Variants in IFIT3 observed in about 807,000 individuals in gnomAD.
The protein encoded by IFIT3 is interferon-induced protein with tetratricopeptide repeats 3.
Under a neutral mutation model 2.4 loss-of-function variants are expected in IFIT3, and 2 were observed. That is an observed-to-expected ratio of 0.82 (90% CI 0.34 to 2.60). The LOEUF is 2.60. IFIT3 is among the 30% of genes most tolerant of loss of function. The pLI is 0.11. For synonymous variants in IFIT3, 203 were observed against 212.1 expected, an observed-to-expected ratio of 0.96 and a Z score of 0.37; for missense variants, 481 against 562.4, an observed-to-expected ratio of 0.86 and a Z score of 1.46.
chr10:89,339,800 G>A lies in IFIT3; in HGVS notation c.1145G>A (p.Gly382Asp). Residue 382 changes from glycine (G) to aspartate (D), a missense_variant, in exon 2 of 2, where the codon GGT (glycine) becomes GAT (aspartate). By Grantham distance (94) the Gly-to-Asp change is moderately conservative. Coordinates refer to ENST00000371818, the MANE Select transcript of IFIT3 (RefSeq NM_001549.6). Reference sequence around the variant, plus strand: ...TCTGAAGACACTGCTGTGCAACATGGTTTAGAGGGTTTGTCCATAAGCAAA... The same window carrying A: ...TCTGAAGACACTGCTGTGCAACATGATTTAGAGGGTTTGTCCATAAGCAAA... ...GKSEDTAVQHGLEGLSISKKS... is the reference protein window; with the variant it reads ...GKSEDTAVQHDLEGLSISKKS... 6.2e-7 allele frequency: 1 copy of A among 1,614,172 alleles called. No individual in the cohort carries two copies. The highest frequency in any genetic ancestry group is 1.1e-5 in the South Asian group (1 of 91,088).
rs148538816 is a variant in IFIT3, at chr10:89,339,048, C to T, written c.393C>T (p.Tyr131=). The change falls in exon 2 of 2, where the codon TAC becomes TAT. Residue 131 remains tyrosine (Y), a synonymous_variant. Coordinates refer to ENST00000371818, the MANE Select transcript of IFIT3 (RefSeq NM_001549.6). Reference sequence around the variant, plus strand: ...CCTGCAAGAAATTTTCAAATCCATACAGTATTGAGTATTCTGAACTTGACT... The same window carrying T: ...CCTGCAAGAAATTTTCAAATCCATATAGTATTGAGTATTCTGAACTTGACT... ...KQTCKKFSNP[Y]SIEYSELDCE... is the part of the protein sequence containing the mutation. 641 of 1,614,118 alleles carry T rather than the reference C, an allele frequency of 4.0e-4. No individual in the cohort carries two copies. The highest frequency in any genetic ancestry group is 4.9e-4 in the Middle Eastern group (3 of 6,062).
intron 1 of IFIT3, among the ~76,000 whole-genome samples, chr10:89,334,513 T>TTTTTTTA (rs1843702573): frequency 1.4e-5 from 1 of 72,468 alleles, no homozygotes; most frequent in Non-Finnish European, 2.4e-5. Flanking sequence ...TTTTTTTTTT[T>TTTTTTTA]GAGACGGAGT....
intron 1 of IFIT3, among the ~76,000 whole-genome samples, chr10:89,333,823 T>C (rs1564789122): frequency 6.6e-6 from 1 of 151,938 alleles, no homozygotes; most frequent in African/African-American, 2.4e-5. Context: ...CCCCGGGAGG[T>C]TGTAAGAAAG....
At position 89,328,058 on chromosome 10, in the gene IFIT3, G is replaced by C; in HGVS notation, c.-16G>C. 6.2e-7 allele frequency: 1 copy of C among 1,614,000 alleles called. No homozygotes were observed. The highest frequency in any genetic ancestry group is 2.2e-5 in the East Asian group (1 of 44,860). ...GTCACCAGCTTTTCGGAACAGCAGA[G>C]ACACAGAGGGCAGTCATGAGGTCAG... is the stretch of plus-strand genomic sequence containing the variant. On this transcript the variant is annotated 5_prime_UTR_variant, in exon 1 of 2. Transcript: ENST00000371818.
In IFIT3 at chr10:89,339,026, G is replaced by T. The variant is rs1458254016; in HGVS notation, c.371G>T (p.Cys124Phe). ...TATGTAGATAAGGTGAAACAAACCT[G>T]CAAGAAATTTTCAAATCCATACAGT... ...QIYVDKVKQT[C>F]KKFSNPYSIE... Residue 124 changes from cysteine to phenylalanine, a missense_variant, in exon 2 of 2, where the codon TGC becomes TTC. Transcript: ENST00000371818. 5.0e-6 allele frequency: 8 copies of T among 1,614,136 alleles called. No homozygotes were observed. Among genetic ancestry groups the T allele is most frequent in the Non-Finnish European group, 5.9e-6 (7 of 1,180,026 alleles).
chr10:89,332,501 TA>T, intron 1 of IFIT3: 1 of 1,581,732 alleles, frequency 6.3e-7, no homozygotes, highest in Non-Finnish European at 8.6e-7. Flanking sequence ...TCCCCTTTCA[TA>T]AAAGCACAGA....
Position 89,339,054 on chromosome 10 carries a change from T to C in IFIT3, c.399T>C (p.Ile133=). The change falls in exon 2 of 2, where the codon ATT becomes ATC. Residue 133 remains isoleucine, a synonymous_variant. Transcript: ENST00000371818. The part of the protein sequence containing the change: ...TCKKFSNPYS[I]EYSELDCEEG... ...AGAAATTTTCAAATCCATACAGTATTGAGTATTCTGAACTTGACTGTGAGG... is the reference window on the plus strand; with the variant it reads ...AGAAATTTTCAAATCCATACAGTATCGAGTATTCTGAACTTGACTGTGAGG... 1 of 1,614,098 alleles carries C rather than the reference T, an allele frequency of 6.2e-7. No individual in the cohort carries two copies.
chr10:89,328,418 T>C (rs1028450721), intron 1 of IFIT3, among the ~76,000 whole-genome samples: 1 of 152,230 alleles, frequency 6.6e-6, no homozygotes, highest in Non-Finnish European at 1.5e-5. Context: ...AGCCACAAAC[T>C]TGGCTGATTC....
In IFIT3 at chr10:89,339,228, C is replaced by T. The variant is rs758994651; in HGVS notation, c.573C>T (p.Phe191=). 3.7e-6 allele frequency: 6 copies of T among 1,614,162 alleles called. No homozygotes were observed. Among genetic ancestry groups the T allele is most frequent in the Non-Finnish European group, 5.1e-6 (6 of 1,180,018 alleles). ...YHLDNHPEKQ[F]STDVLKQAIE... ...TGGATAATCACCCAGAGAAACAGTT[C>T]TCTACTGATGTTTTGAAGCAGGCCA... The change falls in exon 2 of 2, where the codon TTC becomes TTT. Residue 191 remains phenylalanine (F), a synonymous_variant. Transcript: ENST00000371818.
At chr10:89,332,435 T>A (rs1039242827) in intron 1 of IFIT3, 1 of 1,397,464 alleles carries the variant, frequency 7.2e-7, no homozygotes, top group African/African-American at 1.5e-5. Context: ...ACAGATTCTG[T>A]TTCAGTTTCC....
chr10:89,336,637 A>G (rs1420736590), intron 1 of IFIT3, among the ~76,000 whole-genome samples: 3 of 152,242 alleles, frequency 2.0e-5, no homozygotes, highest in Admixed American at 6.5e-5. Flanking sequence ...TTCTGAGATT[A>G]CTTTTTCAGT....
Position 89,328,067 on chromosome 10 carries a change from G to A in IFIT3, c.-7G>A. 1 of 1,613,924 alleles carries A rather than the reference G, an allele frequency of 6.2e-7. No homozygotes were observed. The highest frequency in any genetic ancestry group is 8.5e-7 in the Non-Finnish European group (1 of 1,179,846). On this transcript the variant is annotated 5_prime_UTR_variant, in exon 1 of 2. Coordinates refer to ENST00000371818, the MANE Select transcript of IFIT3 (RefSeq NM_001549.6). ...TTTTCGGAACAGCAGAGACACAGAG[G>A]GCAGTCATGAGGTCAGTGAAATAAG... is the stretch of plus-strand genomic sequence containing the variant.
intron 1 of IFIT3, among the ~76,000 whole-genome samples, chr10:89,328,591 A>G (rs1843621442): frequency 6.6e-6 from 1 of 152,236 alleles, no homozygotes; most frequent in Non-Finnish European, 1.5e-5. Context: ...CCACTCATGA[A>G]GAAGGCAATT....
chr10:89,340,298 C>T lies in IFIT3; in HGVS notation c.*170C>T. ...TTTTGGCCGGGCGCAGTGGCTCATGCCTGTAATCCCAGCACTTTGGGAGGC... is the reference window on the plus strand; with the variant it reads ...TTTTGGCCGGGCGCAGTGGCTCATGTCTGTAATCCCAGCACTTTGGGAGGC... On this transcript the variant is annotated 3_prime_UTR_variant, in exon 2 of 2. Coordinates refer to ENST00000371818, the MANE Select transcript of IFIT3 (RefSeq NM_001549.6). 1 of 620,332 alleles carries T rather than the reference C, an allele frequency of 1.6e-6. No individual in the cohort carries two copies. Among genetic ancestry groups the T allele is most frequent in the Non-Finnish European group, 2.6e-6 (1 of 379,874 alleles). The allele number at this position is 620,332 out of a possible 1,614,324, so 38.4% of individuals were successfully genotyped here. A position where few individuals can be genotyped will look rare whatever the true frequency, so the allele number is the denominator to read the frequency against.
At chr10:89,335,004 A>G (rs954109397) in intron 1 of IFIT3, among the ~76,000 whole-genome samples, 2 of 152,222 alleles carry the variant, frequency 1.3e-5, no homozygotes, top group African/African-American at 4.8e-5. Context: ...TATTATAATG[A>G]AAACCTCCTG....
At chr10:89,330,547 C>CTGAA (rs1843639534) in intron 1 of IFIT3, among the ~76,000 whole-genome samples, 3 of 152,238 alleles carry the variant, frequency 2.0e-5, no homozygotes, top group Admixed American at 2.0e-4. Flanking sequence ...GCCACAAGAA[C>CTGAA]TGAACCCAGA....
At chr10:89,329,171 G>C (rs550912224) in intron 1 of IFIT3, among the ~76,000 whole-genome samples, 30 of 152,252 alleles carry the variant, frequency 2.0e-4, no homozygotes, top group South Asian at 4.1e-4. Flanking sequence ...GACCATTCAG[G>C]GGGGCAGAAA....
Position 89,339,185 on chromosome 10 carries a change from C to T in IFIT3, c.530C>T (p.Ala177Val), listed in dbSNP as rs1395705219. The T allele has an allele frequency of 6.2e-7, 1 of 1,614,020 alleles. No individual in the cohort carries two copies. The highest frequency in any genetic ancestry group is 8.5e-7 in the Non-Finnish European group (1 of 1,179,994). ...PNNPEFSSGL[A>V]IAMYHLDNHP... ...AACCCAGAATTCTCCTCTGGACTGGCAATTGCGATGTACCATCTGGATAAT... is the reference window on the plus strand; with the variant it reads ...AACCCAGAATTCTCCTCTGGACTGGTAATTGCGATGTACCATCTGGATAAT... The change falls in exon 2 of 2, where the codon GCA (alanine) becomes GTA (valine). Residue 177 changes from alanine (A) to valine (V), a missense_variant. By Grantham distance (64) the Ala-to-Val change is moderately conservative. Transcript: ENST00000371818.
chr10:89,339,956 C>T lies in IFIT3; in HGVS notation c.1301C>T (p.Ala434Val). Reference protein sequence around the residue: ...IHKQNGDLLQAAKCYEKELGR... With the variant: ...IHKQNGDLLQVAKCYEKELGR... ...AAGCAGAATGGAGATCTGCTGCAAG[C>T]AGCCAAATGTTATGAGAAGGAACTG... Residue 434 changes from alanine to valine, a missense_variant, in exon 2 of 2, where the codon GCA (alanine) becomes GTA (valine). Coordinates refer to ENST00000371818, the MANE Select transcript of IFIT3 (RefSeq NM_001549.6). The T allele has an allele frequency of 6.2e-7, 1 of 1,614,182 alleles. No homozygotes were observed. The highest frequency in any genetic ancestry group is 8.5e-7 in the Non-Finnish European group (1 of 1,180,016).
Sources: allele counts gnomAD v4.1 joint callset (sites outside exome capture counted in the v4.1 genomes callset), GRCh38; gene constraint gnomAD v4.1.1; transcripts MANE v1.5; gene names NCBI Gene and HGNC (gene_info 2026-07-23, HGNC 2026-07-21).